Variants in PCDHA8 observed in about 807,000 individuals in gnomAD.
The protein encoded by PCDHA8 is protocadherin alpha-8.
In PCDHA8, 53 loss-of-function variants were observed where a neutral mutation model predicts 61.8. The observed-to-expected ratio is 0.86, with a 90% CI of 0.69 to 1.08. PCDHA8 has a LOEUF of 1.08. PCDHA8 is among the 50% of genes least tolerant of loss of function. The pLI, the probability that PCDHA8 is intolerant of heterozygous loss-of-function variation, is 0.00. For missense variants in PCDHA8, 1,293 were observed against 1,245.0 expected (o/e 1.04, Z -0.58); for synonymous variants, 618 against 556.6 (o/e 1.11, Z -1.55).
At chr5:140,991,757 C>T (rs1554252410) in intron 3 of PCDHA8, among the ~76,000 whole-genome samples, 1 of 152,160 alleles carries the variant, frequency 6.6e-6, no homozygotes, top group African/African-American at 2.4e-5. Context: ...CTATCATGCT[C>T]TTCAAAATTC....
chr5:140,942,924 T>A (rs2093394309), intron 1 of PCDHA8, among the ~76,000 whole-genome samples: 1 of 151,518 alleles, frequency 6.6e-6, no homozygotes, highest in African/African-American at 2.4e-5. Context: ...AAAAAAAAAA[T>A]TGAAAAAGAG....
intron 1 of PCDHA8, among the ~76,000 whole-genome samples, chr5:140,873,700 A>G (rs1411262715): frequency 3.3e-5 from 5 of 152,202 alleles, no homozygotes; most frequent in African/African-American, 1.2e-4. Flanking sequence ...TTGCTCTATC[A>G]CCCAGGCTGG....
chr5:140,874,280 C>T (rs1317233709), intron 1 of PCDHA8, among the ~76,000 whole-genome samples: 3 of 152,146 alleles, frequency 2.0e-5, no homozygotes, highest in Admixed American at 6.5e-5. Flanking sequence ...AATAGACTTA[C>T]AAAATCTATG....
chr5:140,894,572 T>C (rs2064553478), intron 1 of PCDHA8, among the ~76,000 whole-genome samples: 2 of 152,010 alleles, frequency 1.3e-5, no homozygotes, highest in Admixed American at 6.5e-5. Flanking sequence ...TATTTTCCTT[T>C]TTTTTAATAT....
intron 1 of PCDHA8, among the ~76,000 whole-genome samples, chr5:140,888,197 C>G (rs190439070): frequency 4.6e-5 from 7 of 152,044 alleles, no homozygotes; most frequent in Non-Finnish European, 8.8e-5. Flanking sequence ...TTTACATTGT[C>G]GGATGCTGGA....
intron 1 of PCDHA8, among the ~76,000 whole-genome samples, chr5:140,959,265 T>C (rs1341807372): frequency 1.3e-5 from 2 of 152,076 alleles, no homozygotes; most frequent in African/African-American, 2.4e-5. Context: ...TAGTCCCAGC[T>C]ACCCAGGAGC....
intron 1 of PCDHA8, among the ~76,000 whole-genome samples, chr5:140,943,257 C>CAAA (rs1238620023): frequency 1.0e-4 from 8 of 76,640 alleles, no homozygotes; most frequent in Admixed American, 6.0e-4. Context: ...GACTCTGTCT[C>CAAA]AAAAAAAAAA....
rs2150380151 is a variant in PCDHA8 at position 140,845,602 on chromosome 5, T to C, written c.2394+1887T>C. Among the ~76,000 whole-genome samples, 10 of 149,646 alleles carry C rather than the reference T, an allele frequency of 6.7e-5. 1 individual carries two copies. Among genetic ancestry groups the C allele is most frequent in the African/African-American group, 2.4e-4 (10 of 40,860 alleles). On this transcript the variant is annotated intron_variant, in intron 1 of 3. Coordinates refer to ENST00000531613, the MANE Select transcript of PCDHA8 (RefSeq NM_018911.3). ...TTGAAATGTGTCAGAAGTTAGTTATTAAGTATTGTGGATTCTGAAGCTCTC... is the reference window on the plus strand; with the variant it reads ...TTGAAATGTGTCAGAAGTTAGTTATCAAGTATTGTGGATTCTGAAGCTCTC...
At chr5:140,921,616 A>C (rs1369093554) in intron 1 of PCDHA8, among the ~76,000 whole-genome samples, 1 of 152,222 alleles carries the variant, frequency 6.6e-6, no homozygotes, top group African/African-American at 2.4e-5. Flanking sequence ...GAAAAATATC[A>C]TCAGATCATC....
chr5:140,999,775 A>T (rs2097875590), intron 3 of PCDHA8, among the ~76,000 whole-genome samples: 1 of 152,178 alleles, frequency 6.6e-6, no homozygotes, highest in African/African-American at 2.4e-5. Context: ...TATACTCTTA[A>T]CCTAGAAATG....
At chr5:140,980,713 C>T (rs1034858406) in intron 2 of PCDHA8, among the ~76,000 whole-genome samples, 2 of 151,366 alleles carry the variant, frequency 1.3e-5, no homozygotes, top group Non-Finnish European at 2.9e-5. Flanking sequence ...TGCTCCTATT[C>T]GGGTTTCAAT....
At position 140,899,912 on chromosome 5, in the gene PCDHA8, A is replaced by G. The variant is rs574794282; in HGVS notation, c.2394+56197A>G. The stretch of plus-strand genomic sequence containing the variant: ...AGCCTTGACATCCTGGGCTCAAGCA[A>G]TCCTCCTGCCTCAGCCTCCTGAATA... On this transcript the variant is annotated intron_variant, in intron 1 of 3. Transcript: ENST00000531613. Among the ~76,000 whole-genome samples the G allele has an allele frequency of 2.0e-5, 3 of 152,154 alleles. No homozygotes were observed. In the East Asian group the frequency reaches 5.8e-4, roughly 29 times the overall value.
At chr5:140,992,914 C>T (rs1383362253) in intron 3 of PCDHA8, among the ~76,000 whole-genome samples, 1 of 152,220 alleles carries the variant, frequency 6.6e-6, no homozygotes, top group African/African-American at 2.4e-5. Context: ...CTTAGGCCCT[C>T]TCCATACTTA....
intron 3 of PCDHA8, among the ~76,000 whole-genome samples, chr5:140,984,963 A>T (rs1390500469): frequency 1.3e-5 from 2 of 151,890 alleles, no homozygotes; most frequent in Non-Finnish European, 2.9e-5. Context: ...TTTGAGACAG[A>T]GTCTCGCTCT....
At chr5:140,990,492 A>G (rs533006418) in intron 3 of PCDHA8, among the ~76,000 whole-genome samples, 1 of 152,308 alleles carries the variant, frequency 6.6e-6, no homozygotes, top group South Asian at 2.1e-4. Flanking sequence ...TAGTGAGGTG[A>G]CATTCCCCAA....
At chr5:140,851,173 A>G in intron 1 of PCDHA8, 1 of 1,267,370 alleles carries the variant, frequency 7.9e-7, no homozygotes, top group South Asian at 2.8e-5. Context: ...CTGCCATAAC[A>G]CTTGAAAACC....
At chr5:140,997,206 T>A (rs2097763489) in intron 3 of PCDHA8, among the ~76,000 whole-genome samples, 1 of 152,118 alleles carries the variant, frequency 6.6e-6, no homozygotes, top group Non-Finnish European at 1.5e-5. Context: ...ATTGACATCA[T>A]TATTGAAACT....
chr5:140,985,900 C>A (rs896937826), intron 3 of PCDHA8, among the ~76,000 whole-genome samples: 2 of 151,872 alleles, frequency 1.3e-5, no homozygotes, highest in Non-Finnish European at 2.9e-5. Context: ...CCACCACTCC[C>A]GTCTAATTTT....
intron 1 of PCDHA8, among the ~76,000 whole-genome samples, chr5:140,976,780 A>G (rs2096731008): frequency 6.6e-6 from 1 of 152,224 alleles, no homozygotes; most frequent in Non-Finnish European, 1.5e-5. Context: ...CTCTGACTAT[A>G]TAGCTACGCT....
Sources: allele counts gnomAD v4.1 joint callset (sites outside exome capture counted in the v4.1 genomes callset), GRCh38; gene constraint gnomAD v4.1.1; transcripts MANE v1.5; gene names NCBI Gene and HGNC (gene_info 2026-07-23, HGNC 2026-07-21).